CRYL1: variants seen among roughly 807,000 people sequenced by gnomAD.
CRYL1 encodes lambda-crystallin homolog.
Under a neutral mutation model 36.6 loss-of-function variants are expected in CRYL1, and 29 were observed. The observed-to-expected ratio is 0.79, with a 90% confidence interval of 0.59 to 1.08. The LOEUF is 1.08. Ranked by LOEUF, CRYL1 falls within the 50% of genes least tolerant of loss-of-function variation. The pLI, the probability that CRYL1 is intolerant of heterozygous loss-of-function variation, is 0.00. For missense variants in CRYL1, 411 were observed against 407.9 expected (o/e 1.01, Z -0.06); for synonymous variants, 152 against 151.5 (o/e 1.00, Z -0.02).
rs74708790 is a variant in CRYL1, at chr13:20,505,401, G to A, written c.149+7042C>T. On this transcript the variant is annotated intron_variant, in intron 2 of 7. Coordinates refer to ENST00000298248, the MANE Select transcript of CRYL1 (RefSeq NM_015974.3). Reference sequence around the variant, plus strand: ...AAAAAAATCAGAATATGGGAAGTGGGCCAAACTGCAAGGTGGAATAGACGG... The same window carrying A: ...AAAAAAATCAGAATATGGGAAGTGGACCAAACTGCAAGGTGGAATAGACGG... Among the ~76,000 whole-genome samples, 1,214 of 145,808 alleles carry A rather than the reference G, an allele frequency of 8.3e-3. 9 individuals are homozygous for A. The highest frequency in any genetic ancestry group is 0.013 in the Non-Finnish European group (864 of 65,656).
At chr13:20,479,043 T>C (rs2033223186) in intron 3 of CRYL1, among the ~76,000 whole-genome samples, 1 of 152,102 alleles carries the variant, frequency 6.6e-6, no homozygotes, top group Non-Finnish European at 1.5e-5. Context: ...GGCCTCCCTT[T>C]ACACCTGTAA....
intron 1 of CRYL1, among the ~76,000 whole-genome samples, chr13:20,518,743 C>T (rs905277158): frequency 9.2e-5 from 14 of 152,024 alleles, no homozygotes; most frequent in African/African-American, 3.1e-4. Context: ...CGATGGGAGG[C>T]GGGACCAGGA....
chr13:20,413,167 C>T, intron 6 of CRYL1, 115 bp downstream of exon 6: 2 of 642,858 alleles, frequency 3.1e-6, no homozygotes, highest in Non-Finnish European at 5.4e-6. Flanking sequence ...GGCTGGCCAT[C>T]ATCTCCTATA....
chr13:20,456,638 A>AC (rs5802075), intron 3 of CRYL1, among the ~76,000 whole-genome samples: 1,698 of 137,664 alleles, frequency 0.012, 45 homozygotes, highest in African/African-American at 0.041. Flanking sequence ...ACACACACAC[A>AC]AAGACCACGA....
In CRYL1 at chr13:20,414,713, G is replaced by A. The variant is rs2031612931; in HGVS notation, c.634-1326C>T. Among the ~76,000 whole-genome samples the A allele has an allele frequency of 2.6e-5, 4 of 152,312 alleles. No homozygotes were observed. The South Asian group carries it at 8.3e-4, about 32-fold the overall frequency. Reference sequence around the variant, plus strand: ...AAGAGGCAAGTTGTTATGTATTAAGGTTAGACGTCTGATCAGCCACCTGTG... The same window carrying A: ...AAGAGGCAAGTTGTTATGTATTAAGATTAGACGTCTGATCAGCCACCTGTG... On this transcript the variant is annotated intron_variant, in intron 5 of 7. Transcript: ENST00000298248.
chr13:20,426,669 C>T (rs1196443278), intron 5 of CRYL1: 2 of 984,158 alleles, frequency 2.0e-6, no homozygotes, highest in Admixed American at 6.1e-5. Flanking sequence ...CAACAGAAAC[C>T]TTTGAATAAG....
chr13:20,484,611 G>T (rs890447825), intron 3 of CRYL1, among the ~76,000 whole-genome samples: 6 of 152,116 alleles, frequency 3.9e-5, no homozygotes, highest in African/African-American at 1.4e-4. Flanking sequence ...GGCAGAGGTT[G>T]CAGTGAGCCA....
intron 3 of CRYL1, among the ~76,000 whole-genome samples, chr13:20,488,923 T>A (rs987545939): frequency 6.6e-6 from 1 of 152,250 alleles, no homozygotes; most frequent in African/African-American, 2.4e-5. Context: ...TTTTTTAAAG[T>A]AAAGTTGTTG....
intron 2 of CRYL1, among the ~76,000 whole-genome samples, chr13:20,496,886 T>C (rs57030358): frequency 9.4e-4 from 141 of 149,548 alleles, no homozygotes; most frequent in African/African-American, 3.3e-3. Context: ...GGTCAGAGAT[T>C]ATTGGGAGAC....
intron 3 of CRYL1, among the ~76,000 whole-genome samples, chr13:20,483,432 C>T (rs572547999): frequency 6.6e-6 from 1 of 151,730 alleles, no homozygotes; most frequent in Non-Finnish European, 1.5e-5. Flanking sequence ...TGGGTTCACG[C>T]CATCTGGACT....
At chr13:20,510,620 T>G (rs2033896776) in intron 2 of CRYL1, among the ~76,000 whole-genome samples, 1 of 151,330 alleles carries the variant, frequency 6.6e-6, no homozygotes, top group African/African-American at 2.4e-5. Flanking sequence ...TCTTTTTTTT[T>G]TTTTTTTTTC....
In CRYL1 at chr13:20,479,281, G is replaced by A. The variant is rs74036391; in HGVS notation, c.276+10089C>T. Reference sequence around the variant, plus strand: ...CAGCAGACCCAACACTGGCAAGCTTGAAATCCAACTGTGCTAACACATGAC... The same window carrying A: ...CAGCAGACCCAACACTGGCAAGCTTAAAATCCAACTGTGCTAACACATGAC... On this transcript the variant is annotated intron_variant, in intron 3 of 7. Transcript: ENST00000298248. Among the ~76,000 whole-genome samples the A allele has an allele frequency of 2.0e-3, 308 of 152,320 alleles. 3 individuals are homozygous for A. Among genetic ancestry groups the A allele is most frequent in the African/African-American group, 6.9e-3 (287 of 41,568 alleles).
intron 1 of CRYL1, among the ~76,000 whole-genome samples, chr13:20,523,074 G>A (rs2034126421): frequency 6.6e-6 from 1 of 151,734 alleles, no homozygotes; most frequent in African/African-American, 2.4e-5. Context: ...GCACCACCAC[G>A]CCCGGCTAAT....
chr13:20,501,294 T>G (rs1222699077), intron 2 of CRYL1, among the ~76,000 whole-genome samples: 2 of 152,182 alleles, frequency 1.3e-5, no homozygotes, highest in Non-Finnish European at 2.9e-5. Context: ...GGAAACAGAT[T>G]GAGTGAGTTA....
chr13:20,492,204 T>A (rs913625351), intron 2 of CRYL1, among the ~76,000 whole-genome samples: 12 of 152,316 alleles, frequency 7.9e-5, no homozygotes, highest in African/African-American at 2.9e-4. Context: ...CATTTATCAT[T>A]CACTGTGTAG....
intron 5 of CRYL1, chr13:20,427,341 G>T: frequency 1.0e-6 from 1 of 985,040 alleles, no homozygotes; most frequent in African/African-American, 1.7e-5. Flanking sequence ...ACATCTGTGA[G>T]ATGGCACAAT....
At chr13:20,497,876 T>C (rs1008814343) in intron 2 of CRYL1, among the ~76,000 whole-genome samples, 1 of 150,976 alleles carries the variant, frequency 6.6e-6, no homozygotes, top group African/African-American at 2.4e-5. Context: ...ATATACACAG[T>C]ACAATATAAG....
At chr13:20,454,970 A>T (rs1593455293) in intron 3 of CRYL1, among the ~76,000 whole-genome samples, 1 of 152,198 alleles carries the variant, frequency 6.6e-6, no homozygotes, top group East Asian at 1.9e-4. Flanking sequence ...GGCAAGAGAA[A>T]GATATAAAAA....
At chr13:20,449,808 C>T (rs779282051) in intron 3 of CRYL1, among the ~76,000 whole-genome samples, 3 of 152,262 alleles carry the variant, frequency 2.0e-5, no homozygotes, top group Middle Eastern at 3.4e-3. Context: ...AATCTTCAAG[C>T]TGAGAGCCAA....
Sources: allele counts gnomAD v4.1 joint callset (sites outside exome capture counted in the v4.1 genomes callset), GRCh38; gene constraint gnomAD v4.1.1; transcripts MANE v1.5; gene names NCBI Gene and HGNC (gene_info 2026-07-23, HGNC 2026-07-21).